The following SI variants were observed in gnomAD, a reference collection of about 807,000 sequenced individuals.
The protein encoded by SI is sucrase-isomaltase.
A neutral mutation model predicts 253.3 loss-of-function variants in SI; 235 were observed. That is an observed-to-expected ratio of 0.93 (90% confidence interval 0.83 to 1.03). The LOEUF is 1.03. Among genes scored for constraint, SI ranks in the 50% least tolerant of loss-of-function variants. SI has a pLI of 0.00. For missense variants in SI, 2,442 were observed against 2,211.1 expected (o/e 1.10, Z -2.09); for synonymous variants, 819 against 712.0 (o/e 1.15, Z -2.39).
At chr3:164,992,117 A>C (rs1717779167) in intron 43 of SI, 60 bp downstream of exon 43, 1 of 1,352,814 alleles carries the variant, frequency 7.4e-7, no homozygotes, top group Admixed American at 1.7e-5. Context: ...TGAAAAGGCT[A>C]GGGCCAAACA....
intron 15 of SI, among the ~76,000 whole-genome samples, chr3:165,048,108 G>A (rs570811334): frequency 3.4e-4 from 51 of 152,110 alleles, no homozygotes; most frequent in African/African-American, 1.1e-3. Context: ...CATGAATACA[G>A]TGGTTAAGAG....
intron 25 of SI, among the ~76,000 whole-genome samples, chr3:165,025,911 C>T (rs1711888764): frequency 1.3e-5 from 2 of 150,852 alleles, no homozygotes; most frequent in African/African-American, 2.4e-5. Context: ...CTCACAGGAC[C>T]TATAAAACAT....
At chr3:165,030,161 A>C (rs1712157608) in intron 25 of SI, among the ~76,000 whole-genome samples, 1 of 150,936 alleles carries the variant, frequency 6.6e-6, no homozygotes, top group Non-Finnish European at 1.5e-5. Context: ...CAGAATTTGA[A>C]AAACAGGCAT....
intron 33 of SI, 127 bp from the exon 34 acceptor site, chr3:165,013,169 C>G: frequency 1.4e-6 from 1 of 739,246 alleles, no homozygotes; most frequent in Non-Finnish European, 2.5e-6. Flanking sequence ...TCTGCAATCC[C>G]TTCAAATCTC....
At chr3:165,067,177 T>C (rs1267283352) in intron 6 of SI, among the ~76,000 whole-genome samples, 163 bp downstream of exon 6, 1 of 151,952 alleles carries the variant, frequency 6.6e-6, no homozygotes, top group Admixed American at 6.6e-5. Context: ...GTATCTTTCA[T>C]CCACAAGAAA....
intron 11 of SI, 29 bp from the exon 12 acceptor site, chr3:165,059,111 T>C: frequency 6.3e-7 from 1 of 1,576,512 alleles, no homozygotes. Flanking sequence ...AACTGCAAAA[T>C]CTATTAACTT....
intron 34 of SI, among the ~76,000 whole-genome samples, chr3:165,011,306 T>C (rs1474748393): frequency 6.6e-6 from 1 of 152,164 alleles, no homozygotes; most frequent in Non-Finnish European, 1.5e-5. Flanking sequence ...AGTTGTATTT[T>C]TATTTTTGTT....
At chr3:164,994,604 A>G (rs1717926856) in intron 40 of SI, among the ~76,000 whole-genome samples, 199 bp from the exon 41 acceptor site, 1 of 151,812 alleles carries the variant, frequency 6.6e-6, no homozygotes. Context: ...TTTTAATAAG[A>G]GAAATTCAAA....
In SI at chr3:165,007,969, A is replaced by G. The variant is rs113826825; in HGVS notation, c.4209T>C (p.Asn1403=). The change falls in exon 36 of 48, where the codon AAT becomes AAC. Residue 1403 remains asparagine, a synonymous_variant. Transcript: ENST00000264382. ...TTCTGCATTGATTAGTAGTTGTTCC[A>G]TTTACAAAACTTGATGGCTCATTCA... ...IDMNEPSSFV[N]GTTTNQCRND... is the part of the protein sequence containing the mutation. 17 of 1,598,164 alleles carry G rather than the reference A, an allele frequency of 1.1e-5. No individual in the cohort carries two copies. The highest frequency in any genetic ancestry group is 4.0e-5 in the African/African-American group (3 of 74,636).
chr3:164,991,900 A>G (rs1717752502), intron 43 of SI, among the ~76,000 whole-genome samples: 1 of 152,106 alleles, frequency 6.6e-6, no homozygotes, highest in East Asian at 1.9e-4. Context: ...ATCATTTTAT[A>G]TATCCAATAA....
chr3:165,071,122 G>A (rs1302180938), intron 3 of SI, among the ~76,000 whole-genome samples: 1 of 151,964 alleles, frequency 6.6e-6, no homozygotes, highest in African/African-American at 2.4e-5. Context: ...AATTGCTTCT[G>A]GAAAACTATA....
At chr3:165,037,538 A>G (rs1235535856) in intron 21 of SI, among the ~76,000 whole-genome samples, 1 of 151,996 alleles carries the variant, frequency 6.6e-6, no homozygotes, top group Non-Finnish European at 1.5e-5. Context: ...GGATTTATGT[A>G]TGTATGGAAA....
intron 23 of SI, 74 bp downstream of exon 23, chr3:165,033,321 A>C: frequency 7.4e-7 from 1 of 1,346,476 alleles, no homozygotes; most frequent in South Asian, 2.0e-5. Flanking sequence ...CTTTTCCAAA[A>C]AATTTATCAT....
At chr3:165,021,199 TC>T in intron 27 of SI, 29 bp downstream of exon 27, 2 of 1,591,230 alleles carry the variant, frequency 1.3e-6, no homozygotes, top group Non-Finnish European at 1.7e-6. Context: ...AATTAAAATA[TC>T]CTTTATATCA....
upstream of SI, among the ~76,000 whole-genome samples, chr3:165,079,582 T>C (rs918678849): frequency 2.0e-5 from 3 of 151,670 alleles, no homozygotes; most frequent in Non-Finnish European, 4.4e-5. Context: ...ATGATCTAAA[T>C]AGGAAAAATA....
intron 13 of SI, among the ~76,000 whole-genome samples, chr3:165,054,802 A>C (rs1713612913): frequency 6.6e-6 from 1 of 152,178 alleles, no homozygotes; most frequent in African/African-American, 2.4e-5. Context: ...GGGCTTATTC[A>C]GATCATATTG....
At chr3:165,036,547 G>A in intron 21 of SI, 70 bp from the exon 22 acceptor site, 2 of 1,070,780 alleles carry the variant, frequency 1.9e-6, no homozygotes, top group Middle Eastern at 2.0e-4. Context: ...CTATAAACAA[G>A]TCCACTTCAA....
chr3:164,991,765 A>G (rs1477746818), intron 43 of SI, among the ~76,000 whole-genome samples: 1 of 152,058 alleles, frequency 6.6e-6, no homozygotes, highest in African/African-American at 2.4e-5. Flanking sequence ...AGCTTTGAAA[A>G]TCATTTATAG....
Position 165,069,123 on chromosome 3 carries a change from C to T in SI, c.328G>A (p.Asp110Asn). The T allele has an allele frequency of 4.3e-6, 7 of 1,613,298 alleles. No homozygotes were observed. The highest frequency in any genetic ancestry group is 5.9e-6 in the Non-Finnish European group (7 of 1,179,508). ...TCTTGAACGTTATAACCATGATTAT[C>T]AACGAAGAAGCACCAAGGAATAAGA... ...DSLIPWCFFV[D>N]NHGYNVQDMT... Residue 110 changes from aspartate (D) to asparagine (N), a missense_variant, in exon 4 of 48, where the codon GAT becomes AAT. Transcript: ENST00000264382.
Sources: gnomAD v4.1 joint callset for allele counts (sites outside exome capture counted in the v4.1 genomes callset) on GRCh38, gnomAD v4.1.1 for gene constraint, MANE v1.5 for transcripts, NCBI Gene and HGNC (gene_info 2026-07-23, HGNC 2026-07-21) for gene names.